PALD1: variants seen among roughly 807,000 people sequenced by gnomAD.
PALD1 encodes the protein paladin.
PALD1 carries 57 observed loss-of-function variants against 96.0 expected under a neutral mutation model. That is an observed-to-expected ratio of 0.59 (90% CI 0.48 to 0.74). The LOEUF (loss-of-function observed/expected upper bound fraction) is 0.74, where lower values mean the gene tolerates loss of function less well. Ranked by LOEUF, PALD1 falls within the 30% of genes least tolerant of loss-of-function variation. The pLI is 0.00. For missense variants in PALD1, 1,063 were observed against 1,143.7 expected, an observed-to-expected ratio of 0.93 and a Z score of 1.02; for synonymous variants, 464 against 473.6, an observed-to-expected ratio of 0.98 and a Z score of 0.26.
intron 1 of PALD1, among the ~76,000 whole-genome samples, chr10:70,488,287 A>T (rs1846044719): frequency 6.6e-6 from 1 of 151,926 alleles, no homozygotes; most frequent in Non-Finnish European, 1.5e-5. Context: ...TGCCCGGCTA[A>T]TTTTTGTATT....
chr10:70,554,849 G>T (rs1207637445), intron 18 of PALD1, among the ~76,000 whole-genome samples: 1 of 141,896 alleles, frequency 7.0e-6, no homozygotes, highest in East Asian at 2.1e-4. Flanking sequence ...CTCAAAGCGA[G>T]ATTTATTGTA....
chr10:70,473,433 A>G, the PALD1 span, among the ~76,000 whole-genome samples: 1 of 152,214 alleles, frequency 6.6e-6, no homozygotes, highest in Non-Finnish European at 1.5e-5. Flanking sequence ...GACAGGGGCC[A>G]GCTGTCTATC....
chr10:70,541,603 G>A, intron 17 of PALD1, 69 bp downstream of exon 17: 1 of 1,157,596 alleles, frequency 8.6e-7, no homozygotes, highest in Non-Finnish European at 1.3e-6. Context: ...CTGCTTGCCG[G>A]TCTAGGGGTC....
At chr10:70,515,334 A>G (rs1045595150) in intron 1 of PALD1, among the ~76,000 whole-genome samples, 1 of 152,218 alleles carries the variant, frequency 6.6e-6, no homozygotes, top group Non-Finnish European at 1.5e-5. Context: ...GAAGGCCAAG[A>G]GCAGATGGGA....
chr10:70,496,683 T>A (rs1846201218), intron 1 of PALD1, among the ~76,000 whole-genome samples: 1 of 152,228 alleles, frequency 6.6e-6, no homozygotes, highest in Admixed American at 6.5e-5. Context: ...CCATGTTTCC[T>A]TTTTTGGTGC....
intron 18 of PALD1, among the ~76,000 whole-genome samples, chr10:70,553,063 G>T (rs1204865495): frequency 6.6e-6 from 1 of 152,124 alleles, no homozygotes; most frequent in African/African-American, 2.4e-5. Context: ...GTTACTGGGG[G>T]TGCCGTATGC....
intron 1 of PALD1, among the ~76,000 whole-genome samples, chr10:70,483,754 C>CA (rs1445521179): frequency 6.6e-6 from 1 of 152,222 alleles, no homozygotes; most frequent in Non-Finnish European, 1.5e-5. Flanking sequence ...ACTTCTCCTC[C>CA]CCTTTTCCTT....
rs1346641940 is a variant in PALD1, at chr10:70,531,299, ATCT to A, written c.482_484del (p.Phe161del). On this transcript the variant is annotated inframe_deletion, in exon 5 of 20. Coordinates refer to ENST00000263563, the MANE Select transcript of PALD1 (RefSeq NM_014431.3). ...CTCGGGCTCCTGGCAGGAGTGTGTC[ATCT>A]TCTGTGTGCGGGAGGAACCTGTGCT... The A allele has an allele frequency of 2.5e-6, 4 of 1,612,468 alleles. No individual in the cohort carries two copies. Among genetic ancestry groups the A allele is most frequent in the Non-Finnish European group, 2.5e-6 (3 of 1,178,734 alleles).
intron 16 of PALD1, 42 bp from the exon 17 acceptor site, chr10:70,541,421 C>T (rs375459799): frequency 1.4e-5 from 22 of 1,588,770 alleles, no homozygotes; most frequent in South Asian, 1.1e-4. Flanking sequence ...GGGCTCCTGG[C>T]GTTGGGAGGG....
chr10:70,533,834 G>A, intron 7 of PALD1, 88 bp from the exon 8 acceptor site: 3 of 1,247,438 alleles, frequency 2.4e-6, no homozygotes, highest in East Asian at 2.8e-5. Context: ...GGGGCAGGGT[G>A]GGCTGATGTC....
rs1329688630 is a variant in PALD1, at chr10:70,564,579, T to TCACAG, written c.2418+62_2418+66dup. On this transcript the variant is annotated intron_variant, in intron 19 of 19. Transcript: ENST00000263563. ...GATGGCTCCTGCAGATGGAGCTGGG[T>TCACAG]CACAGCCACTCAGTGCCTGTACATG... The TCACAG allele has an allele frequency of 1.3e-5, 20 of 1,529,550 alleles. No homozygotes were observed. In the African/African-American group the frequency reaches 1.9e-4, roughly 15 times the overall value. The allele number at this position is 1,529,550 out of a possible 1,614,324, so 94.7% of individuals were successfully genotyped here.
At chr10:70,534,700 C>G (rs758803513) in intron 9 of PALD1, 39 bp from the exon 10 acceptor site, 2 of 1,327,028 alleles carry the variant, frequency 1.5e-6, no homozygotes, top group African/African-American at 2.9e-5. Flanking sequence ...CTCCCCACCC[C>G]CCCACCTCCC....
rs1846942124 is a variant in PALD1 at position 70,529,261 on chromosome 10, A to G, written c.218A>G (p.Asp73Gly). The G allele has an allele frequency of 1.5e-6, 2 of 1,310,522 alleles. No homozygotes were observed. Among genetic ancestry groups the G allele is most frequent in the South Asian group, 1.2e-5 (1 of 84,942 alleles). The allele number at this position is 1,310,522 out of a possible 1,614,324, so 81.2% of individuals were successfully genotyped here. The stretch of plus-strand genomic sequence containing the variant: ...TGCAAGGAGGAGTTCCAGATCCATG[A>G]TGAGCTGCTCAAGGCTCATTACACG... Reference protein sequence around the residue: ...YNCKEEFQIHDELLKAHYTLG... With the variant: ...YNCKEEFQIHGELLKAHYTLG... The change falls in exon 3 of 20, where the codon GAT (aspartate) becomes GGT (glycine). Residue 73 changes from aspartate to glycine, a missense_variant. Coordinates refer to ENST00000263563, the MANE Select transcript of PALD1 (RefSeq NM_014431.3).
At chr10:70,489,555 G>A (rs556368347) in intron 1 of PALD1, among the ~76,000 whole-genome samples, 2 of 152,124 alleles carry the variant, frequency 1.3e-5, no homozygotes, top group Non-Finnish European at 2.9e-5. Context: ...GAATCCTGTA[G>A]GGGGAGGGGA....
chr10:70,541,185 C>T lies in PALD1; in HGVS notation c.1992C>T (p.Gly664=), dbSNP rs772764151. The change falls in exon 16 of 20, where the codon GGC becomes GGT. Residue 664 remains glycine, a synonymous_variant. Coordinates refer to ENST00000263563, the MANE Select transcript of PALD1 (RefSeq NM_014431.3). ...GCTTCGTGTTCAGCTGCCTCAGCGGCCAGGGCCGTACCACAACTGCGATGG... is the reference window on the plus strand; with the variant it reads ...GCTTCGTGTTCAGCTGCCTCAGCGGTCAGGGCCGTACCACAACTGCGATGG... ...GTGFVFSCLS[G]QGRTTTAMVV... The T allele has an allele frequency of 1.2e-6, 2 of 1,613,960 alleles. No homozygotes were observed. Among genetic ancestry groups the T allele is most frequent in the Admixed American group, 3.3e-5 (2 of 60,000 alleles).
the PALD1 span, among the ~76,000 whole-genome samples, chr10:70,468,702 C>CTCTG: frequency 1.6e-5 from 2 of 123,886 alleles, no homozygotes; most frequent in South Asian, 3.0e-4. Flanking sequence ...TGAGGCAGGA[C>CTCTG]TGTGTGTGTG....
rs143204353 is a variant in PALD1, at chr10:70,561,236, C to T, written c.2263-3128C>T. Among the ~76,000 whole-genome samples, 876 of 152,358 alleles carry T rather than the reference C, an allele frequency of 5.7e-3. 4 individuals are homozygous for T. The highest frequency in any genetic ancestry group is 9.5e-3 in the Non-Finnish European group (649 of 68,034). ...TGGGAGAGGATCGTGCTGGTGCGGT[C>T]GTGTCCATGGCACAGAGCCAGAGCT... On this transcript the variant is annotated intron_variant, in intron 18 of 19. Transcript: ENST00000263563.
At chr10:70,483,011 CA>C (rs1845959976) in intron 1 of PALD1, among the ~76,000 whole-genome samples, 1 of 152,038 alleles carries the variant, frequency 6.6e-6, no homozygotes, top group South Asian at 2.1e-4. Context: ...GCCCTGGGTT[CA>C]GTATGAGGTG....
rs1324732089 is a variant in PALD1 at position 70,539,269 on chromosome 10, G to A, written c.1725+22G>A. 6.3e-7 allele frequency: 1 copy of A among 1,593,954 alleles called. No individual in the cohort carries two copies. Among genetic ancestry groups the A allele is most frequent in the South Asian group, 1.1e-5 (1 of 88,530 alleles). On this transcript the variant is annotated intron_variant, in intron 14 of 19. Coordinates refer to ENST00000263563, the MANE Select transcript of PALD1 (RefSeq NM_014431.3). This position sits in a 1 kb window ranked among gnomAD's most constrained non-coding sequence, Gnocchi z 4.5. Reference sequence around the variant, plus strand: ...GGAGGTGAGGCCCCCTGCCCTCTAGGCACCCCTGCCTCCGAGGCTTCTGGG... The same window carrying A: ...GGAGGTGAGGCCCCCTGCCCTCTAGACACCCCTGCCTCCGAGGCTTCTGGG...
Sources: allele counts gnomAD v4.1 joint callset (sites outside exome capture counted in the v4.1 genomes callset), GRCh38; gene constraint gnomAD v4.1.1; non-coding constraint Gnocchi (gnomAD v3.1); transcripts MANE v1.5; gene names NCBI Gene and HGNC (gene_info 2026-07-23, HGNC 2026-07-21).